The following C5 variants were observed in gnomAD, a reference collection of about 807,000 sequenced individuals.
The protein encoded by C5 is complement C5.
C5 carries 140 observed loss-of-function variants against 218.8 expected under a neutral mutation model. The ratio of observed to expected loss-of-function variants is 0.64; its 90% CI spans 0.56 to 0.74. The LOEUF is 0.74. Ranked by LOEUF, C5 falls within the 30% of genes least tolerant of loss-of-function variation. C5 has a pLI of 0.00. For synonymous variants in C5, 614 were observed against 682.3 expected, an observed-to-expected ratio of 0.90 and a Z score of 1.56; for missense variants, 1,700 against 1,969.6, an observed-to-expected ratio of 0.86 and a Z score of 2.59.
At chr9:120,960,104 A>T (rs1208592032) in intron 38 of C5, 144 bp downstream of exon 38, 5 of 650,722 alleles carry the variant, frequency 7.7e-6, no homozygotes, top group Admixed American at 7.5e-5. Context: ...TGTTAATGCT[A>T]AAAATCGATG....
chr9:121,074,552 A>G, the C5 span, among the ~76,000 whole-genome samples: 1 of 152,236 alleles, frequency 6.6e-6, no homozygotes, highest in Non-Finnish European at 1.5e-5. Context: ...ACACTCGCTC[A>G]TAGCGCGCAA....
chr9:120,977,121 A>T (rs530923280), intron 28 of C5, among the ~76,000 whole-genome samples: 2 of 152,322 alleles, frequency 1.3e-5, no homozygotes, highest in South Asian at 4.1e-4. Flanking sequence ...AATCTGAAAT[A>T]TGAAATGCCC....
rs147063775 is a variant in C5 at position 120,967,761 on chromosome 9, G to A, written c.4220+1300C>T. On this transcript the variant is annotated intron_variant, in intron 33 of 40. Transcript: ENST00000223642. ...TTTGGAGACAAGGTCTCAATTTTTC[G>A]TCCAGGTTGGAGTGCAGTGGCGTGG... Among the ~76,000 whole-genome samples the A allele has an allele frequency of 6.5e-3, 963 of 148,558 alleles. 18 individuals are homozygous for A. Among genetic ancestry groups the A allele is most frequent in the African/African-American group, 0.01 (405 of 40,362 alleles).
chr9:121,067,586 G>C, the C5 span, among the ~76,000 whole-genome samples: 1 of 151,352 alleles, frequency 6.6e-6, no homozygotes, highest in African/African-American at 2.4e-5. Context: ...AAAAAAAAGA[G>C]GAAAATTCCT....
intron 20 of C5, among the ~76,000 whole-genome samples, chr9:121,002,207 TATATATACGTATATATA>T: frequency 1.4e-5 from 1 of 70,592 alleles, no homozygotes; most frequent in East Asian, 6.8e-4. Flanking sequence ...CGTATATATG[TATATATACGTATATATA>T]TATATGTATA....
At chr9:120,955,325 C>G (rs1388697693) in intron 39 of C5, among the ~76,000 whole-genome samples, 1 of 151,998 alleles carries the variant, frequency 6.6e-6, no homozygotes, top group Non-Finnish European at 1.5e-5. Context: ...TACAGGAGAA[C>G]AAAGAAGAAA....
chr9:121,026,629 C>T (rs2047425933), intron 8 of C5, among the ~76,000 whole-genome samples: 1 of 152,106 alleles, frequency 6.6e-6, no homozygotes, highest in Admixed American at 6.5e-5. Flanking sequence ...TGTCTCTGGA[C>T]ATTGCCAAAT....
chr9:121,002,308 ATGTGTG>A (rs71370613), intron 20 of C5, among the ~76,000 whole-genome samples: 142 of 66,668 alleles, frequency 2.1e-3, no homozygotes, highest in South Asian at 6.8e-3. Context: ...GTATATATAT[ATGTGTG>A]TGTATATATA....
intron 29 of C5, among the ~76,000 whole-genome samples, chr9:120,975,490 G>T (rs993821220): frequency 6.6e-6 from 1 of 152,202 alleles, no homozygotes; most frequent in African/African-American, 2.4e-5. Context: ...GTGTTGGAAA[G>T]CTTGGTCCCC....
In C5 at chr9:120,963,630, A is replaced by G. The variant is rs2046844228; in HGVS notation, c.4323+6T>C. On this transcript the variant is annotated splice_donor_region_variant and intron_variant, in intron 34 of 40. Coordinates refer to ENST00000223642, the MANE Select transcript of C5 (RefSeq NM_001735.3). ...TTCACAACACGATTTAAAAGAAAACACATACGGCTTTTAAGTCTTCTTCAT... is the reference window on the plus strand; with the variant it reads ...TTCACAACACGATTTAAAAGAAAACGCATACGGCTTTTAAGTCTTCTTCAT... The G allele has an allele frequency of 1.3e-6, 2 of 1,589,380 alleles. No individual in the cohort carries two copies. Among genetic ancestry groups the G allele is most frequent in the East Asian group, 4.5e-5 (2 of 44,748 alleles).
intron 14 of C5, among the ~76,000 whole-genome samples, chr9:121,017,161 T>C (rs1223120945): frequency 3.3e-5 from 5 of 152,224 alleles, no homozygotes; most frequent in Non-Finnish European, 1.5e-5. Context: ...ATTCTTAAAG[T>C]GCTTACATTT....
At chr9:120,973,933 A>T (rs915560358) in intron 30 of C5, among the ~76,000 whole-genome samples, 7 of 152,004 alleles carry the variant, frequency 4.6e-5, no homozygotes, top group African/African-American at 1.7e-4. Flanking sequence ...AGGTTGCGCC[A>T]TTGCACTCCA....
At position 120,962,915 on chromosome 9, in the gene C5, T is replaced by C. The variant is rs1357911499; in HGVS notation, c.4376A>G (p.His1459Arg). ...TACCGAATTCAGTTGCAGAATAACATGTCCATCTTTGATTTGGTAATCAGT... is the reference window on the plus strand; with the variant it reads ...TACCGAATTCAGTTGCAGAATAACACGTCCATCTTTGATTTGGTAATCAGT... Reference protein sequence around the residue: ...LFTDYQIKDGHVILQLNSIPS... With the variant: ...LFTDYQIKDGRVILQLNSIPS... Residue 1459 changes from histidine (H) to arginine (R), a missense_variant, in exon 35 of 41, where the codon CAT (histidine) becomes CGT (arginine). Coordinates refer to ENST00000223642, the MANE Select transcript of C5 (RefSeq NM_001735.3). 1.2e-6 allele frequency: 2 copies of C among 1,614,022 alleles called. No individual in the cohort carries two copies. The highest frequency in any genetic ancestry group is 2.2e-5 in the East Asian group (1 of 44,878).
intron 19 of C5, among the ~76,000 whole-genome samples, chr9:121,006,698 G>GA (rs1299864134): frequency 6.6e-6 from 1 of 150,692 alleles, no homozygotes; most frequent in Non-Finnish European, 1.5e-5. Flanking sequence ...AAAGGAAAAA[G>GA]AAAAAAAAGA....
upstream of C5, among the ~76,000 whole-genome samples, chr9:121,054,534 A>T: frequency 6.6e-6 from 1 of 152,232 alleles, no homozygotes; most frequent in Non-Finnish European, 1.5e-5. Context: ...TGGGAGGCAG[A>T]GGTTGCAGTG....
chr9:120,990,103 C>A (rs912906140), intron 23 of C5, among the ~76,000 whole-genome samples: 4 of 152,208 alleles, frequency 2.6e-5, no homozygotes, highest in African/African-American at 9.6e-5. Flanking sequence ...ATTTACCAAT[C>A]CCTTCCAGGA....
At chr9:120,970,108 C>G (rs2046899543) in intron 32 of C5, 62 bp downstream of exon 32, 1 of 1,129,186 alleles carries the variant, frequency 8.9e-7, no homozygotes, top group Non-Finnish European at 1.3e-6. Context: ...CAGAGAAGCT[C>G]TCTATTTATA....
intron 32 of C5, among the ~76,000 whole-genome samples, chr9:120,969,852 G>C (rs1025064111): frequency 6.6e-5 from 10 of 152,104 alleles, no homozygotes; most frequent in African/African-American, 2.2e-4. Context: ...AGAAATTCCT[G>C]GTTCTGGAAT....
intron 28 of C5, among the ~76,000 whole-genome samples, chr9:120,978,281 G>T (rs1404066003): frequency 6.6e-6 from 1 of 152,118 alleles, no homozygotes; most frequent in Non-Finnish European, 1.5e-5. Context: ...AATCATATTT[G>T]AAGGTTAGTA....
Sources: allele counts gnomAD v4.1 joint callset (sites outside exome capture counted in the v4.1 genomes callset), GRCh38; gene constraint gnomAD v4.1.1; transcripts MANE v1.5; gene names NCBI Gene and HGNC (gene_info 2026-07-23, HGNC 2026-07-21).